The following ZC3H13 variants were observed in gnomAD, a reference collection of about 807,000 sequenced individuals.
ZC3H13 encodes the protein zinc finger CCCH domain-containing protein 13.
Under a neutral mutation model 204.1 loss-of-function variants are expected in ZC3H13, and 64 were observed. The ratio of observed to expected loss-of-function variants is 0.31; its 90% confidence interval spans 0.26 to 0.39. The LOEUF (loss-of-function observed/expected upper bound fraction) is 0.39, where lower values mean the gene tolerates loss of function less well. Among genes scored for constraint, ZC3H13 ranks in the 10% least tolerant of loss-of-function variants. The pLI is 1.00. For missense variants in ZC3H13, 1,833 were observed against 2,082.7 expected (o/e 0.88, Z 2.33); for synonymous variants, 667 against 693.7 (o/e 0.96, Z 0.60).
intron 4 of ZC3H13, among the ~76,000 whole-genome samples, chr13:46,034,451 A>G (rs1303909027): frequency 6.6e-6 from 1 of 152,214 alleles, no homozygotes. Flanking sequence ...TGAATCAGCA[A>G]TAAAAGGAAT....
chr13:45,985,498 A>T lies in ZC3H13; in HGVS notation c.1519T>A (p.Tyr507Asn), dbSNP rs775399873. The change falls in exon 10 of 19, where the codon TAC becomes AAC. Residue 507 changes from tyrosine to asparagine, a missense_variant. Coordinates refer to ENST00000679008, the MANE Select transcript of ZC3H13 (RefSeq NM_001330564.2). The stretch of plus-strand genomic sequence containing the variant: ...GTATCTCGACCTTCACGGTCCCTGT[A>T]GTCATGGGCATCACGAGTGGACCGA... ...DSRSTRDAHD[Y>N]RDREGRDTHR... is the part of the protein sequence containing the mutation. The T allele has an allele frequency of 1.9e-6, 3 of 1,614,140 alleles. No individual in the cohort carries two copies. In the Admixed American group the frequency reaches 5.0e-5, roughly 27 times the overall value.
Position 46,042,224 on chromosome 13 carries a change from G to A in ZC3H13, c.279C>T (p.Arg93=). Residue 93 remains arginine (R), a synonymous_variant, in exon 4 of 19, where the codon CGC becomes CGT. Coordinates refer to ENST00000679008, the MANE Select transcript of ZC3H13 (RefSeq NM_001330564.2). ...TCTGGGGCTCAGTGTCCACGTCTTG[G>A]CGCTTGTTCTTCATTCTTTCTCTAA... The part of the protein sequence containing the change: ...GDLRERMKNK[R]QDVDTEPQKR... The A allele has an allele frequency of 1.2e-6, 2 of 1,613,328 alleles. No individual in the cohort carries two copies. The highest frequency in any genetic ancestry group is 1.7e-6 in the Non-Finnish European group (2 of 1,179,462).
chr13:45,983,849 A>T (rs1342498168), intron 10 of ZC3H13, among the ~76,000 whole-genome samples: 1 of 152,216 alleles, frequency 6.6e-6, no homozygotes, highest in African/African-American at 2.4e-5. Context: ...AAGAGAATCT[A>T]ATTAGATCAA....
rs9534264 is a variant in ZC3H13, at chr13:45,967,538, T to A, written c.4287A>T (p.Glu1429Asp). ...TCTCAGTTCTCTCGGATTTATTTGT[T>A]TCTTCAAATCCCTGCACAGATCCCA... Reference protein sequence around the residue: ...KDLGSVQGFEETNKSERTESL... With the variant: ...KDLGSVQGFEDTNKSERTESL... Residue 1429 changes from glutamate to aspartate, a missense_variant, in exon 15 of 19, where the codon GAA becomes GAT. Glu to Asp is a conservative substitution (Grantham distance 45). This residue lies in a region of ZC3H13 where 1,574 missense variants were observed against 1,757.2 expected (regional missense o/e 0.90). Coordinates refer to ENST00000679008, the MANE Select transcript of ZC3H13 (RefSeq NM_001330564.2). The A allele has an allele frequency of 0.71, 1,111,656 of 1,571,270 alleles. 395,465 individuals carry two copies. Among genetic ancestry groups the A allele is most frequent in the African/African-American group, 0.86 (62,529 of 73,040 alleles).
At chr13:46,020,125 T>C (rs1410683381) in intron 5 of ZC3H13, among the ~76,000 whole-genome samples, 1 of 152,154 alleles carries the variant, frequency 6.6e-6, no homozygotes, top group South Asian at 2.1e-4. Flanking sequence ...AAAACAAATA[T>C]AGATTTCATT....
chr13:45,976,896 G>A (rs1348295080), intron 11 of ZC3H13, among the ~76,000 whole-genome samples: 1 of 152,140 alleles, frequency 6.6e-6, no homozygotes, highest in Non-Finnish European at 1.5e-5. Context: ...AACAATTTTA[G>A]GATGTTTCTA....
At chr13:45,996,535 C>A (rs1349308556) in intron 8 of ZC3H13, among the ~76,000 whole-genome samples, 1 of 152,168 alleles carries the variant, frequency 6.6e-6, no homozygotes, top group African/African-American at 2.4e-5. Flanking sequence ...GCACACAGTT[C>A]TAAGTGGCAC....
intron 4 of ZC3H13, among the ~76,000 whole-genome samples, chr13:46,030,470 G>A (rs919899795): frequency 2.0e-5 from 3 of 152,144 alleles, no homozygotes; most frequent in Middle Eastern, 3.2e-3. Context: ...TAGAAATTCT[G>A]AAAGAACTAA....
In ZC3H13 at chr13:45,967,639, C is replaced by G; in HGVS notation, c.4186G>C (p.Gly1396Arg). Residue 1396 changes from glycine (G) to arginine (R), a missense_variant, in exon 15 of 19, where the codon GGT becomes CGT. Transcript: ENST00000679008. ...SVKRCEAKLE[G>R]EHERDLESTS... The stretch of plus-strand genomic sequence containing the variant: ...CTTTCTAGATCCCTTTCATGTTCAC[C>G]TTCCAGTTTTGCTTCACAGCGTTTC... 1 of 1,614,082 alleles carries G rather than the reference C, an allele frequency of 6.2e-7. No individual in the cohort carries two copies. The highest frequency in any genetic ancestry group is 8.5e-7 in the Non-Finnish European group (1 of 1,179,976).
chr13:46,024,353 T>C (rs1298194362), intron 4 of ZC3H13, among the ~76,000 whole-genome samples: 1 of 152,230 alleles, frequency 6.6e-6, no homozygotes, highest in East Asian at 1.9e-4. Context: ...TATTCTCTAT[T>C]TAGTGAAGAT....
chr13:46,022,950 CAT>C (rs2042308003), intron 4 of ZC3H13, among the ~76,000 whole-genome samples: 1 of 152,104 alleles, frequency 6.6e-6, no homozygotes. Context: ...AAATGTAATA[CAT>C]GATTTTAGAT....
Position 46,045,382 on chromosome 13 carries a change from A to G in ZC3H13, c.117+9T>C. ...GAGAACCCCTGTGACTATACTAGTG[A>G]CAACTCACCTCTGCTGTACTGCCAG... is the stretch of plus-strand genomic sequence containing the variant. On this transcript the variant is annotated intron_variant, in intron 2 of 18. Coordinates refer to ENST00000679008, the MANE Select transcript of ZC3H13 (RefSeq NM_001330564.2). 6.2e-7 allele frequency: 1 copy of G among 1,608,284 alleles called. No homozygotes were observed.
chr13:45,997,092 A>C (rs2040396844), intron 8 of ZC3H13, among the ~76,000 whole-genome samples: 1 of 152,254 alleles, frequency 6.6e-6, no homozygotes, highest in Non-Finnish European at 1.5e-5. Flanking sequence ...TAAATCCATA[A>C]GGCTTTTTCT....
At chr13:46,002,911 G>GT (rs1302272632) in intron 8 of ZC3H13, among the ~76,000 whole-genome samples, 3 of 118,822 alleles carry the variant, frequency 2.5e-5, no homozygotes, top group Non-Finnish European at 5.4e-5. Flanking sequence ...GGTACATTTT[G>GT]TTTTTTTACC....
intron 10 of ZC3H13, among the ~76,000 whole-genome samples, chr13:45,984,905 C>T (rs1954036672): frequency 6.6e-6 from 1 of 152,208 alleles, no homozygotes; most frequent in Admixed American, 6.5e-5. Context: ...ACAAATCAGT[C>T]ATTTCTGATG....
At chr13:46,039,296 C>G (rs577185812) in intron 4 of ZC3H13, among the ~76,000 whole-genome samples, 1 of 152,168 alleles carries the variant, frequency 6.6e-6, no homozygotes, top group African/African-American at 2.4e-5. Flanking sequence ...CACTTACATT[C>G]AGTTAACTGT....
chr13:45,975,453 TCTCTCC>T lies in ZC3H13; in HGVS notation c.2292_2297del (p.Glu775_Arg776del). ...CTCGTTCCCGTTCTCGCTCTCGCTC[TCTCTCC>T]CGTTCTCGCTCTCTCTCCCTCTCTC... On this transcript the variant is annotated inframe_deletion, in exon 12 of 19. Transcript: ENST00000679008. 6.2e-7 allele frequency: 1 copy of T among 1,613,488 alleles called. No homozygotes were observed. Among genetic ancestry groups the T allele is most frequent in the Non-Finnish European group, 8.5e-7 (1 of 1,179,742 alleles).
intron 10 of ZC3H13, among the ~76,000 whole-genome samples, chr13:45,981,553 T>C (rs940402219): frequency 4.6e-5 from 7 of 152,200 alleles, no homozygotes; most frequent in Admixed American, 3.9e-4. Context: ...CCCTGAGGAA[T>C]TGCCACACTG....
intron 12 of ZC3H13, among the ~76,000 whole-genome samples, chr13:45,971,850 T>C (rs1323423038): frequency 6.6e-6 from 1 of 151,906 alleles, no homozygotes; most frequent in Non-Finnish European, 1.5e-5. Flanking sequence ...AGGACACGAA[T>C]AGACATTTCT....
Sources: gnomAD v4.1 joint callset for allele counts (sites outside exome capture counted in the v4.1 genomes callset) on GRCh38, gnomAD v4.1.1 for gene constraint, gnomAD v4.1.1 regional missense constraint, MANE v1.5 for transcripts, NCBI Gene and HGNC (gene_info 2026-07-23, HGNC 2026-07-21) for gene names.